The following ATP8A2 variants were observed in gnomAD, a reference collection of about 807,000 sequenced individuals.
ATP8A2 encodes the protein ATPase phospholipid transporting 8A2.
Under a neutral mutation model 165.6 loss-of-function variants are expected in ATP8A2, and 100 were observed. The observed-to-expected ratio is 0.60, with a 90% CI of 0.51 to 0.71. ATP8A2 has a LOEUF of 0.71. Ranked by LOEUF, ATP8A2 falls within the 30% of genes least tolerant of loss-of-function variation. The pLI, the probability that ATP8A2 is intolerant of heterozygous loss-of-function variation, is 0.00. For missense variants in ATP8A2, 1,227 were observed against 1,479.5 expected, an observed-to-expected ratio of 0.83 and a Z score of 2.80; for synonymous variants, 543 against 548.8, an observed-to-expected ratio of 0.99 and a Z score of 0.15.
chr13:26,007,826 G>A lies in ATP8A2; in HGVS notation c.3378-4705G>A, dbSNP rs566868770. The stretch of plus-strand genomic sequence containing the variant: ...GAGGTTTCATGGGTTAATGCAGGGA[G>A]AGAACAGCTTAGTCCCATGTGAGAT... On this transcript the variant is annotated intron_variant, in intron 35 of 36. Transcript: ENST00000381655. Among the ~76,000 whole-genome samples, 185 of 152,282 alleles carry A rather than the reference G, an allele frequency of 1.2e-3. 1 individual carries two copies. Among genetic ancestry groups the A allele is most frequent in the African/African-American group, 4.4e-3 (181 of 41,568 alleles).
chr13:25,847,773 C>G (rs1213769408), intron 30 of ATP8A2, among the ~76,000 whole-genome samples: 1 of 152,150 alleles, frequency 6.6e-6, no homozygotes, highest in Non-Finnish European at 1.5e-5. Flanking sequence ...ACTGTCCTCC[C>G]AGGGCTAGCT....
chr13:25,490,741 G>T (rs975695481), intron 2 of ATP8A2, among the ~76,000 whole-genome samples: 31 of 149,818 alleles, frequency 2.1e-4, no homozygotes, highest in South Asian at 1.5e-3. Context: ...TTTTTTGTTT[G>T]TTTGTTTGTT....
At chr13:25,874,925 A>G (rs994258115) in intron 33 of ATP8A2, among the ~76,000 whole-genome samples, 4 of 152,206 alleles carry the variant, frequency 2.6e-5, no homozygotes, top group African/African-American at 9.6e-5. Context: ...CAACATGGTT[A>G]AAGTTGAGGA....
At chr13:25,378,273 CT>C (rs946303016) in intron 1 of ATP8A2, among the ~76,000 whole-genome samples, 2 of 152,092 alleles carry the variant, frequency 1.3e-5, no homozygotes, top group African/African-American at 2.4e-5. Flanking sequence ...CTTACTGCCC[CT>C]GTAAAGCTTA....
intron 1 of ATP8A2, among the ~76,000 whole-genome samples, chr13:25,442,065 ATTTCC>A (rs1271491035): frequency 4.6e-5 from 7 of 152,232 alleles, no homozygotes; most frequent in Non-Finnish European, 5.9e-5. Flanking sequence ...ACGTGTCAGA[ATTTCC>A]TTTCCTTTAA....
At chr13:25,752,127 T>C (rs1436024041) in intron 25 of ATP8A2, among the ~76,000 whole-genome samples, 1 of 152,000 alleles carries the variant, frequency 6.6e-6, no homozygotes, top group Non-Finnish European at 1.5e-5. Flanking sequence ...TACATGTGCA[T>C]AACTTCTGAA....
intron 33 of ATP8A2, among the ~76,000 whole-genome samples, chr13:25,952,987 A>G (rs558404127): frequency 7.9e-5 from 12 of 152,304 alleles, no homozygotes; most frequent in East Asian, 1.9e-4. Flanking sequence ...AGCTCCCTTG[A>G]CGTTTGAATG....
In ATP8A2 at chr13:25,570,830, G is replaced by C; in HGVS notation, c.1537G>C (p.Glu513Gln). 6.2e-7 allele frequency: 1 copy of C among 1,613,770 alleles called. No individual in the cohort carries two copies. Among genetic ancestry groups the C allele is most frequent in the Non-Finnish European group, 8.5e-7 (1 of 1,179,726 alleles). Residue 513 changes from glutamate (E) to glutamine (Q), a missense_variant, in exon 17 of 37, where the codon GAG (glutamate) becomes CAG (glutamine). This residue lies in a region of ATP8A2 where 592 missense variants were observed against 785.6 expected (regional missense o/e 0.75). Transcript: ENST00000381655. ...LLAVCHTVVP[E>Q]KDGDNIIYQA... ...GGCCGTGTGCCACACGGTTGTTCCT[G>C]AGAAGGATGGAGATAACATCATCTA...
intron 33 of ATP8A2, chr13:25,944,862 G>A (rs977596448): frequency 3.3e-5 from 5 of 152,212 alleles, no homozygotes; most frequent in Admixed American, 2.6e-4. Context: ...AAATCCTGAG[G>A]TAGTCTCTTA....
At chr13:25,915,983 TTG>T (rs1205015424) in intron 33 of ATP8A2, among the ~76,000 whole-genome samples, 2 of 152,214 alleles carry the variant, frequency 1.3e-5, no homozygotes, top group African/African-American at 4.8e-5. Context: ...ATCGTAGAGT[TTG>T]TGTAATTATT....
intron 1 of ATP8A2, among the ~76,000 whole-genome samples, chr13:25,425,856 G>A (rs1427881858): frequency 3.3e-5 from 5 of 152,140 alleles, no homozygotes; most frequent in East Asian, 1.9e-4. Flanking sequence ...GATTACAGGC[G>A]TGAGCCACTG....
intron 1 of ATP8A2, among the ~76,000 whole-genome samples, chr13:25,387,179 A>G (rs988532487): frequency 2.6e-5 from 4 of 152,142 alleles, no homozygotes; most frequent in African/African-American, 9.7e-5. Flanking sequence ...CTAGAAAGCA[A>G]TCAAGGATTT....
At chr13:25,889,469 A>G (rs1321770499) in intron 33 of ATP8A2, among the ~76,000 whole-genome samples, 1 of 152,106 alleles carries the variant, frequency 6.6e-6, no homozygotes, top group Non-Finnish European at 1.5e-5. Context: ...TGGTTTGGTC[A>G]TAACCCTATT....
intron 1 of ATP8A2, among the ~76,000 whole-genome samples, chr13:25,411,826 T>G (rs983565957): frequency 6.6e-6 from 1 of 152,204 alleles, no homozygotes; most frequent in Admixed American, 6.5e-5. Flanking sequence ...ATTTCTGATA[T>G]CTACATTTCT....
chr13:25,491,436 C>A (rs2036524984), intron 2 of ATP8A2, among the ~76,000 whole-genome samples: 1 of 152,098 alleles, frequency 6.6e-6, no homozygotes, highest in African/African-American at 2.4e-5. Flanking sequence ...CTATGTTGCC[C>A]AGCCTGGTCT....
chr13:25,959,776 G>A (rs1172797467), intron 33 of ATP8A2, among the ~76,000 whole-genome samples: 1 of 152,222 alleles, frequency 6.6e-6, no homozygotes, highest in Non-Finnish European at 1.5e-5. Context: ...AATAGATCTT[G>A]TCCTGGGACA....
intron 33 of ATP8A2, among the ~76,000 whole-genome samples, chr13:25,902,099 TG>T (rs1953768866): frequency 6.6e-6 from 1 of 152,130 alleles, no homozygotes; most frequent in Admixed American, 6.5e-5. Context: ...AATAGGGGTA[TG>T]GGGTTTAAAA....
intron 33 of ATP8A2, among the ~76,000 whole-genome samples, chr13:25,906,762 G>C (rs978166333): frequency 4.6e-5 from 7 of 152,148 alleles, no homozygotes; most frequent in African/African-American, 1.2e-4. Flanking sequence ...ACTTTATTAA[G>C]CAAGCCTAAA....
intron 16 of ATP8A2, 123 bp from the exon 17 acceptor site, chr13:25,570,644 A>G: frequency 1.4e-6 from 1 of 693,868 alleles, no homozygotes; most frequent in Non-Finnish European, 2.5e-6. Flanking sequence ...CATATTAAGG[A>G]CCTCTACCCT....
Sources: gnomAD v4.1 joint callset for allele counts (sites outside exome capture counted in the v4.1 genomes callset) on GRCh38, gnomAD v4.1.1 for gene constraint, gnomAD v4.1.1 regional missense constraint, MANE v1.5 for transcripts, NCBI Gene and HGNC (gene_info 2026-07-23, HGNC 2026-07-21) for gene names.